The following PPIG variants were observed in gnomAD, a reference collection of about 807,000 sequenced individuals.
PPIG encodes the protein peptidylprolyl isomerase G.
A neutral mutation model predicts 87.9 loss-of-function variants in PPIG; 26 were observed. The observed-to-expected ratio is 0.30, with a 90% CI of 0.22 to 0.41. PPIG has a LOEUF of 0.41. Ranked by LOEUF, PPIG falls within the 10% of genes least tolerant of loss-of-function variation. The pLI is 1.00. For missense variants in PPIG, 722 were observed against 879.4 expected, an observed-to-expected ratio of 0.82 and a Z score of 2.26; for synonymous variants, 308 against 276.5, an observed-to-expected ratio of 1.11 and a Z score of -1.13.
Position 169,584,364 on chromosome 2 carries a change from T to C in PPIG, c.-196T>C, listed in dbSNP as rs559353081. 19 of 471,134 alleles carry C rather than the reference T, an allele frequency of 4.0e-5. No homozygotes were observed. The highest frequency in any genetic ancestry group is 2.3e-4 in the South Asian group (15 of 64,568). 29.2% of individuals were successfully genotyped at this position (471,134 alleles called of 1,614,324 possible). A position where few individuals can be genotyped will look rare whatever the true frequency, so the allele number is the denominator to read the frequency against. On this transcript the variant is annotated 5_prime_UTR_variant, in exon 1 of 14. Transcript: ENST00000260970. ...CGCGCTTCCGGTGCGACGCTGTCTC[T>C]CCATGCCAGGACTGAGTTGTGGGGG...
chr2:169,636,342 T>C lies in PPIG; in HGVS notation c.1155-71T>C, dbSNP rs2105524604. ...TGAATACCTTAAGAAAAGTAGAATA[T>C]CATTTTAGCTAATAATATCTACAGT... On this transcript the variant is annotated intron_variant, in intron 13 of 13. Transcript: ENST00000260970. The C allele has an allele frequency of 8.2e-6, 12 of 1,465,728 alleles. No individual in the cohort carries two copies. The South Asian group carries it at 1.5e-4, about 18-fold the overall frequency. 90.8% of individuals were successfully genotyped at this position (1,465,728 alleles called of 1,614,324 possible).
In PPIG at chr2:169,586,200, C is replaced by A. The variant is rs142783296; in HGVS notation, c.-70+1710C>A. ...TTCAGAATTATTGATGCTCTGAGAT[C>A]CTATAGGGTCTTGTAGTAGGATTCT... On this transcript the variant is annotated intron_variant, in intron 1 of 13. Transcript: ENST00000260970. Among the ~76,000 whole-genome samples the A allele has an allele frequency of 1.0e-3, 153 of 152,224 alleles. 1 individual carries two copies. In the East Asian group the frequency reaches 0.021, roughly 21 times the overall value.
At chr2:169,626,650 A>C (rs1427272091) in intron 9 of PPIG, among the ~76,000 whole-genome samples, 1 of 151,864 alleles carries the variant, frequency 6.6e-6, no homozygotes, top group African/African-American at 2.4e-5. Flanking sequence ...TTGGCCTTCC[A>C]AAGTGCTGGG....
intron 7 of PPIG, 99 bp from the exon 8 acceptor site, chr2:169,614,365 T>C: frequency 8.8e-7 from 1 of 1,141,714 alleles, no homozygotes; most frequent in Middle Eastern, 2.9e-4. Flanking sequence ...TGTTTTCAAC[T>C]TTGTTTCCAA....
At chr2:169,635,240 T>A (rs1686151495) in intron 12 of PPIG, among the ~76,000 whole-genome samples, 1 of 152,172 alleles carries the variant, frequency 6.6e-6, no homozygotes, top group Non-Finnish European at 1.5e-5. Context: ...ACCATTGATC[T>A]TAGGGTAAAT....
chr2:169,635,485 T>C (rs1247778059), intron 12 of PPIG, among the ~76,000 whole-genome samples: 1 of 152,206 alleles, frequency 6.6e-6, no homozygotes, highest in African/African-American at 2.4e-5. Flanking sequence ...GTTTAACATA[T>C]GTGATTATAT....
intron 7 of PPIG, among the ~76,000 whole-genome samples, chr2:169,612,284 G>A (rs1574451564): frequency 6.6e-6 from 1 of 151,732 alleles, no homozygotes; most frequent in South Asian, 2.1e-4. Context: ...TTTTATTTAA[G>A]TGGAATTCCA....
At position 169,641,108 on chromosome 2, in the gene PPIG, T is replaced by C. The variant is rs1686301031; in HGVS notation, c.*3585T>C. ...TTGAAAGATAAATGAATTGGGTATT[T>C]GTATGTGGGATGTACAAAATTGTGG... is the stretch of plus-strand genomic sequence containing the variant. On this transcript the variant is annotated 3_prime_UTR_variant, in exon 14 of 14. Transcript: ENST00000260970. The C allele has an allele frequency of 6.6e-6, 1 of 151,002 alleles. No individual in the cohort carries two copies. The highest frequency in any genetic ancestry group is 1.5e-5 in the Non-Finnish European group (1 of 67,640). The allele number at this position is 151,002 out of a possible 1,614,324, so 9.4% of individuals were successfully genotyped here. A position where few individuals can be genotyped will look rare whatever the true frequency, so the allele number is the denominator to read the frequency against.
intron 1 of PPIG, among the ~76,000 whole-genome samples, chr2:169,598,653 T>G (rs1685088313): frequency 6.6e-6 from 1 of 152,040 alleles, no homozygotes; most frequent in Non-Finnish European, 1.5e-5. Context: ...TAGTTCTCCC[T>G]ATCTTGGAGA....
At chr2:169,631,507 A>C (rs1168590406) in intron 10 of PPIG, 4 of 1,080,742 alleles carry the variant, frequency 3.7e-6, no homozygotes, top group Non-Finnish European at 4.7e-6. Flanking sequence ...TTGCTCACAT[A>C]GTTTCATATT....
At chr2:169,587,630 A>C (rs1684740552) in intron 1 of PPIG, among the ~76,000 whole-genome samples, 1 of 152,210 alleles carries the variant, frequency 6.6e-6, no homozygotes, top group African/African-American at 2.4e-5. Flanking sequence ...AATGGTCACC[A>C]TAAGAACTCG....
chr2:169,616,454 A>AT (rs1685611473), intron 9 of PPIG, among the ~76,000 whole-genome samples: 1 of 151,918 alleles, frequency 6.6e-6, no homozygotes, highest in Non-Finnish European at 1.5e-5. Context: ...ACTAATTTAC[A>AT]CTCCCACCAA....
chr2:169,606,278 A>G (rs1685321205), intron 5 of PPIG, 132 bp downstream of exon 5: 8 of 730,408 alleles, frequency 1.1e-5, no homozygotes, highest in Non-Finnish European at 1.9e-5. Context: ...AATTAGAAGT[A>G]CTCATAGAAA....
intron 9 of PPIG, among the ~76,000 whole-genome samples, chr2:169,627,225 A>T (rs376346704): frequency 6.6e-6 from 1 of 151,582 alleles, no homozygotes; most frequent in Non-Finnish European, 1.5e-5. Flanking sequence ...CAGCCTCCCT[A>T]GTAGCTGGGA....
At chr2:169,628,479 G>A (rs1685953323) in intron 9 of PPIG, among the ~76,000 whole-genome samples, 1 of 152,120 alleles carries the variant, frequency 6.6e-6, no homozygotes, top group African/African-American at 2.4e-5. Context: ...CATGTATCTT[G>A]GGTTTAGTAT....
At chr2:169,593,708 G>C (rs1684936634) in intron 1 of PPIG, among the ~76,000 whole-genome samples, 1 of 140,810 alleles carries the variant, frequency 7.1e-6, no homozygotes, top group Non-Finnish European at 1.5e-5. Context: ...TTGGAGTGCA[G>C]TGGCGTGATC....
chr2:169,640,541 C>T lies in PPIG; in HGVS notation c.*3018C>T, dbSNP rs1015192750. 2.6e-5 allele frequency: 4 copies of T among 152,092 alleles called. No individual in the cohort carries two copies. Among genetic ancestry groups the T allele is most frequent in the Non-Finnish European group, 5.9e-5 (4 of 68,008 alleles). 9.4% of individuals were successfully genotyped at this position (152,092 alleles called of 1,614,324 possible). A position where few individuals can be genotyped will look rare whatever the true frequency, so the allele number is the denominator to read the frequency against. ...TTCTGTAGAAGCTTGTTGGGTTTGC[C>T]TTCACCAGAAGGTACTTTAAATACC... On this transcript the variant is annotated 3_prime_UTR_variant, in exon 14 of 14. Coordinates refer to ENST00000260970, the MANE Select transcript of PPIG (RefSeq NM_004792.3).
intron 9 of PPIG, among the ~76,000 whole-genome samples, chr2:169,625,728 A>ATT (rs537963241): frequency 2.0e-5 from 3 of 146,922 alleles, no homozygotes; most frequent in Non-Finnish European, 4.5e-5. Context: ...CCTTTAACCA[A>ATT]TTTTTTTTTT....
At chr2:169,619,022 A>G (rs1290406933) in intron 9 of PPIG, among the ~76,000 whole-genome samples, 2 of 152,152 alleles carry the variant, frequency 1.3e-5, no homozygotes, top group South Asian at 2.1e-4. Flanking sequence ...ATTTAGTGCT[A>G]TAAATTTCCC....
Sources: gnomAD v4.1 joint callset for allele counts (sites outside exome capture counted in the v4.1 genomes callset) on GRCh38, gnomAD v4.1.1 for gene constraint, MANE v1.5 for transcripts, NCBI Gene and HGNC (gene_info 2026-07-23, HGNC 2026-07-21) for gene names.